The following IL23R variants were observed in gnomAD, a reference collection of about 807,000 sequenced individuals.
The protein encoded by IL23R is interleukin 23 receptor.
In IL23R, 34 loss-of-function variants were observed where a neutral mutation model predicts 56.9. That is an observed-to-expected ratio of 0.60 (90% CI 0.45 to 0.80). IL23R has a LOEUF of 0.80. IL23R is among the 30% of genes least tolerant of loss of function. IL23R has a pLI of 0.00. For missense variants in IL23R, 635 were observed against 730.0 expected (o/e 0.87, Z 1.50); for synonymous variants, 230 against 249.2 (o/e 0.92, Z 0.73).
intron 6 of IL23R, among the ~76,000 whole-genome samples, chr1:67,209,995 A>G (rs1292849379): frequency 6.6e-6 from 1 of 152,236 alleles, no homozygotes; most frequent in Non-Finnish European, 1.5e-5. Context: ...ACAGGCATCC[A>G]GGGAAACAAA....
At chr1:67,230,236 G>A (rs1651007204) in intron 7 of IL23R, among the ~76,000 whole-genome samples, 1 of 152,234 alleles carries the variant, frequency 6.6e-6, no homozygotes, top group African/African-American at 2.4e-5. Flanking sequence ...CATCTGGTTG[G>A]TGAGGTTTAG....
At chr1:67,253,882 A>G (rs1031586785) in intron 9 of IL23R, among the ~76,000 whole-genome samples, 1 of 152,168 alleles carries the variant, frequency 6.6e-6, no homozygotes, top group Non-Finnish European at 1.5e-5. Context: ...AATTAGGGCA[A>G]TTCTTTGCTC....
chr1:67,192,664 A>G (rs1171128495), intron 4 of IL23R, among the ~76,000 whole-genome samples: 3 of 152,180 alleles, frequency 2.0e-5, no homozygotes, highest in African/African-American at 7.2e-5. Context: ...GTAAATGGCA[A>G]CTGTATCCTT....
At chr1:67,210,001 AC>A (rs1649344862) in intron 6 of IL23R, among the ~76,000 whole-genome samples, 1 of 152,224 alleles carries the variant, frequency 6.6e-6, no homozygotes, top group Non-Finnish European at 1.5e-5. Context: ...ATCCAGGGAA[AC>A]AAAAATTGTT....
chr1:67,240,879 A>G (rs1386442694), intron 9 of IL23R, among the ~76,000 whole-genome samples: 2 of 152,194 alleles, frequency 1.3e-5, no homozygotes, highest in African/African-American at 2.4e-5. Flanking sequence ...GCAGTGAGGT[A>G]CAGAAACAGC....
At chr1:67,233,924 A>C (rs1376153053) in intron 7 of IL23R, among the ~76,000 whole-genome samples, 1 of 108,506 alleles carries the variant, frequency 9.2e-6, no homozygotes, top group Non-Finnish European at 1.8e-5. Flanking sequence ...TTCCAGTCAT[A>C]AAGGCTGTGT....
At chr1:67,244,559 T>C (rs1316323351) in intron 9 of IL23R, among the ~76,000 whole-genome samples, 1 of 152,094 alleles carries the variant, frequency 6.6e-6, no homozygotes, top group Non-Finnish European at 1.5e-5. Flanking sequence ...CACAATTTAT[T>C]AAATAGGGAA....
chr1:67,258,448 G>T, intron 10 of IL23R, 30 bp from the exon 11 acceptor site: 1 of 1,560,416 alleles, frequency 6.4e-7, no homozygotes, highest in African/African-American at 1.4e-5. Context: ...AATGTCTTTT[G>T]CAAAATAAAA....
At chr1:67,159,702 A>G (rs993146539) in intron 1 of IL23R, among the ~76,000 whole-genome samples, 2 of 152,208 alleles carry the variant, frequency 1.3e-5, no homozygotes, top group Non-Finnish European at 2.9e-5. Context: ...AGGCTGTAGC[A>G]TGCTATGATA....
chr1:67,153,670 G>T (rs569708378), intron 1 of IL23R, among the ~76,000 whole-genome samples: 2 of 152,204 alleles, frequency 1.3e-5, no homozygotes, highest in East Asian at 1.9e-4. Context: ...TGCGTTCAAA[G>T]AACTTCTTAA....
chr1:67,163,741 C>T (rs1646844922), upstream of IL23R, among the ~76,000 whole-genome samples: 1 of 152,142 alleles, frequency 6.6e-6, no homozygotes, highest in Non-Finnish European at 1.5e-5. Context: ...TCCTGCTTTG[C>T]CTTCTGCCAT....
chr1:67,200,314 T>C (rs11465796), intron 4 of IL23R, among the ~76,000 whole-genome samples: 63,182 of 151,896 alleles, frequency 0.42, 13,459 homozygotes, highest in Admixed American at 0.49. Context: ...AGTGCTGGGA[T>C]TACAAGCGTG....
chr1:67,249,790 G>T (rs1230944272), intron 9 of IL23R, among the ~76,000 whole-genome samples: 1 of 152,064 alleles, frequency 6.6e-6, no homozygotes, highest in African/African-American at 2.4e-5. Flanking sequence ...TATGTTAAAG[G>T]TTTAAAATAC....
chr1:67,143,390 G>A (rs555159785), intron 1 of IL23R, among the ~76,000 whole-genome samples: 3 of 152,280 alleles, frequency 2.0e-5, no homozygotes, highest in East Asian at 1.9e-4. Context: ...AGTATAAGGA[G>A]TTTATCTGGG....
chr1:67,176,455 T>A (rs1401587329), intron 3 of IL23R, among the ~76,000 whole-genome samples: 2 of 151,904 alleles, frequency 1.3e-5, no homozygotes, highest in Non-Finnish European at 2.9e-5. Flanking sequence ...CTTTTTTTTT[T>A]ATTCTTCCAT....
At position 67,200,882 on chromosome 1, in the gene IL23R, C is replaced by A; in HGVS notation, c.637C>A (p.His213Asn). 6.2e-7 allele frequency: 1 copy of A among 1,614,096 alleles called. No individual in the cohort carries two copies. Among genetic ancestry groups the A allele is most frequent in the Non-Finnish European group, 8.5e-7 (1 of 1,180,002 alleles). Residue 213 changes from histidine (H) to asparagine (N), a missense_variant, in exon 5 of 11, where the codon CAC (histidine) becomes AAC (asparagine). His to Asn is a moderately conservative substitution (Grantham distance 68, BLOSUM62 1). Transcript: ENST00000347310. ...GGAAGAGTCAAAACAACTGCAAATT[C>A]ACCTGGATGATATAGGTAAAGAATA... ...GMEESKQLQI[H>N]LDDIVIPSAA...
intron 9 of IL23R, among the ~76,000 whole-genome samples, chr1:67,247,550 C>A (rs1256056292): frequency 6.6e-6 from 1 of 152,094 alleles, no homozygotes; most frequent in East Asian, 1.9e-4. Flanking sequence ...GTGATCCGCC[C>A]ACCTTGGCCT....
At chr1:67,205,917 T>TTCTTTCTTTC (rs1034409357) in intron 5 of IL23R, among the ~76,000 whole-genome samples, 103 of 144,960 alleles carry the variant, frequency 7.1e-4, no homozygotes, top group African/African-American at 2.4e-3. Context: ...CTTTCTTTCT[T>TTCTTTCTTTC]TCTTTCTTTT....
chr1:67,208,852 A>G (rs1279159225), intron 6 of IL23R, among the ~76,000 whole-genome samples: 1 of 152,166 alleles, frequency 6.6e-6, no homozygotes, highest in African/African-American at 2.4e-5. Flanking sequence ...AGATCCACCA[A>G]CAGCTTGAAC....
Sources: allele counts gnomAD v4.1 joint callset (sites outside exome capture counted in the v4.1 genomes callset), GRCh38; gene constraint gnomAD v4.1.1; transcripts MANE v1.5; gene names NCBI Gene and HGNC (gene_info 2026-07-23, HGNC 2026-07-21).